CSMD3: variants seen among roughly 807,000 people sequenced by gnomAD.
CSMD3 encodes CUB and sushi domain-containing protein 3.
In CSMD3, 177 loss-of-function variants were observed where a neutral mutation model predicts 435.2. The observed-to-expected ratio is 0.41, with a 90% CI of 0.36 to 0.46. The LOEUF (loss-of-function observed/expected upper bound fraction) is 0.46. CSMD3 is among the 20% of genes least tolerant of loss of function. The probability of loss-of-function intolerance (pLI) is 0.34; values close to 1 mark genes in which losing one functional copy is unlikely to be tolerated. For synonymous variants in CSMD3, 1,656 were observed against 1,520.5 expected (o/e 1.09, Z -2.07); for missense variants, 4,265 against 4,504.6 (o/e 0.95, Z 1.52).
rs1457004798 is a variant in CSMD3, at chr8:113,311,661, G to A, written c.401+2910C>T. ...ATCAAACTCTGCCAGCAGCAGTTTC[G>A]ACTTCTAATCAAACAGCAGATTTTG... On this transcript the variant is annotated intron_variant, in intron 2 of 70. Transcript: ENST00000297405. 2.0e-5 allele frequency: 3 copies of A among 152,062 alleles called. 1 individual carries two copies. Among genetic ancestry groups the A allele is most frequent in the Non-Finnish European group, 4.4e-5 (3 of 67,976 alleles). 9.4% of individuals were successfully genotyped at this position (152,062 alleles called of 1,614,324 possible).
rs575898534 is a variant in CSMD3 at position 112,555,017 on chromosome 8, A to G, written c.4234+1746T>C. Reference sequence around the variant, plus strand: ...CTAAAATAGAATTTCATCTTCTGTTATCATCAAATTATTCAGTATCACTCA... The same window carrying G: ...CTAAAATAGAATTTCATCTTCTGTTGTCATCAAATTATTCAGTATCACTCA... On this transcript the variant is annotated intron_variant, in intron 25 of 70. Transcript: ENST00000297405. 2.6e-5 allele frequency among the ~76,000 whole-genome samples: 4 copies of G among 152,034 alleles called. No homozygotes were observed. In the South Asian group the frequency reaches 8.3e-4, roughly 32 times the overall value.
At chr8:113,376,852 C>G in intron 1 of CSMD3, 1 of 1,612,478 alleles carries the variant, frequency 6.2e-7, no homozygotes. Flanking sequence ...GCCACCTCTG[C>G]CCCTTTCCCG....
chr8:113,345,064 T>C (rs1252888143), intron 1 of CSMD3, among the ~76,000 whole-genome samples: 1 of 152,066 alleles, frequency 6.6e-6, no homozygotes. Flanking sequence ...TTTTAAATTT[T>C]TAGGTTTTTA....
intron 10 of CSMD3, among the ~76,000 whole-genome samples, chr8:112,864,466 G>C (rs1307951385): frequency 6.6e-6 from 1 of 151,932 alleles, no homozygotes; most frequent in Non-Finnish European, 1.5e-5. Context: ...GGCCAGGCTG[G>C]TCTTGAACTC....
intron 42 of CSMD3, among the ~76,000 whole-genome samples, chr8:112,338,903 T>C (rs956038188): frequency 6.6e-6 from 1 of 152,134 alleles, no homozygotes; most frequent in Non-Finnish European, 1.5e-5. Flanking sequence ...CTCCAAGTTT[T>C]TTAGTTTAAT....
At chr8:113,245,198 G>A (rs1259370960) in intron 3 of CSMD3, among the ~76,000 whole-genome samples, 8 of 152,052 alleles carry the variant, frequency 5.3e-5, no homozygotes, top group African/African-American at 1.2e-4. Flanking sequence ...CATTTTAAAC[G>A]TACATTCGGC....
chr8:112,892,906 A>G (rs527959106), intron 10 of CSMD3, among the ~76,000 whole-genome samples: 24 of 151,584 alleles, frequency 1.6e-4, no homozygotes, highest in African/African-American at 5.5e-4. Context: ...TAACCATTCA[A>G]TCTCCAGAGC....
chr8:112,625,457 A>C (rs760256253), intron 22 of CSMD3, among the ~76,000 whole-genome samples: 1 of 152,118 alleles, frequency 6.6e-6, no homozygotes, highest in Non-Finnish European at 1.5e-5. Context: ...TTGAGATTCA[A>C]GTTTTATATG....
intron 5 of CSMD3, among the ~76,000 whole-genome samples, chr8:113,053,688 A>G (rs1297055382): frequency 6.6e-6 from 1 of 152,138 alleles, no homozygotes; most frequent in African/African-American, 2.4e-5. Flanking sequence ...GCACTGTCCT[A>G]TAATGTGTCT....
At chr8:112,603,910 A>C (rs1832583955) in intron 22 of CSMD3, among the ~76,000 whole-genome samples, 1 of 152,196 alleles carries the variant, frequency 6.6e-6, no homozygotes, top group Non-Finnish European at 1.5e-5. Flanking sequence ...ACAAACAAAA[A>C]TCAAATAAAA....
intron 48 of CSMD3, 104 bp downstream of exon 48, chr8:112,314,325 A>G: frequency 1.1e-6 from 1 of 870,872 alleles, no homozygotes; most frequent in Non-Finnish European, 1.9e-6. Flanking sequence ...AAATATCTGT[A>G]AGATAAACTC....
At chr8:113,308,046 T>C (rs868059022) in intron 2 of CSMD3, among the ~76,000 whole-genome samples, 1 of 152,128 alleles carries the variant, frequency 6.6e-6, no homozygotes, top group Non-Finnish European at 1.5e-5. Flanking sequence ...TTTACAACTT[T>C]ATGTGTTTTT....
At chr8:113,067,058 G>A (rs1363473928) in intron 5 of CSMD3, among the ~76,000 whole-genome samples, 1 of 152,052 alleles carries the variant, frequency 6.6e-6, no homozygotes, top group Non-Finnish European at 1.5e-5. Context: ...CTTTTGAAAT[G>A]ACAAGTGAAG....
At chr8:113,186,803 C>T (rs769590110) in intron 3 of CSMD3, among the ~76,000 whole-genome samples, 8 of 151,978 alleles carry the variant, frequency 5.3e-5, no homozygotes, top group Non-Finnish European at 8.8e-5. Context: ...AAATGCCCCT[C>T]AGGTGAAAAA....
At chr8:112,541,869 G>T (rs13273650) in intron 27 of CSMD3, among the ~76,000 whole-genome samples, 2 of 151,656 alleles carry the variant, frequency 1.3e-5, no homozygotes, top group Non-Finnish European at 2.9e-5. Context: ...ATGAATACAT[G>T]TACAAAAATC....
intron 11 of CSMD3, among the ~76,000 whole-genome samples, chr8:112,852,799 G>A (rs2080531027): frequency 2.6e-5 from 4 of 151,976 alleles, no homozygotes; most frequent in Admixed American, 2.0e-4. Flanking sequence ...GTGGGCGCCT[G>A]TAGTCCCAGC....
intron 5 of CSMD3, among the ~76,000 whole-genome samples, chr8:113,087,872 C>T (rs2089856145): frequency 3.3e-5 from 5 of 151,540 alleles, no homozygotes; most frequent in African/African-American, 7.3e-5. Flanking sequence ...TCTAATTAAA[C>T]TAAAGAGCTT....
intron 10 of CSMD3, among the ~76,000 whole-genome samples, chr8:112,890,686 A>T (rs2081758982): frequency 6.6e-6 from 1 of 151,688 alleles, no homozygotes; most frequent in African/African-American, 2.4e-5. Context: ...ATTCACTATT[A>T]TGCGACTTTC....
chr8:112,566,827 G>A (rs1190808108), intron 24 of CSMD3, among the ~76,000 whole-genome samples: 2 of 152,236 alleles, frequency 1.3e-5, no homozygotes, highest in East Asian at 3.9e-4. Context: ...GGGGCAGCCA[G>A]CTTCTGGTGT....
Sources: gnomAD v4.1 joint callset for allele counts (sites outside exome capture counted in the v4.1 genomes callset) on GRCh38, gnomAD v4.1.1 for gene constraint, MANE v1.5 for transcripts, NCBI Gene and HGNC (gene_info 2026-07-23, HGNC 2026-07-21) for gene names.